The following MTMR6 variants were observed in gnomAD, a reference collection of about 807,000 sequenced individuals.
The protein encoded by MTMR6 is myotubularin related protein 6.
A neutral mutation model predicts 80.1 loss-of-function variants in MTMR6; 47 were observed. The observed-to-expected ratio is 0.59, with a 90% CI of 0.46 to 0.75. The LOEUF (loss-of-function observed/expected upper bound fraction) is 0.75, where lower values mean the gene tolerates loss of function less well. MTMR6 is among the 30% of genes least tolerant of loss of function. The pLI, the probability that MTMR6 is intolerant of heterozygous loss-of-function variation, is 0.00. For synonymous variants in MTMR6, 254 were observed against 253.0 expected (o/e 1.00, Z -0.04); for missense variants, 629 against 730.9 (o/e 0.86, Z 1.61).
At chr13:25,269,745 C>T (rs1957529742) in intron 2 of MTMR6, among the ~76,000 whole-genome samples, 1 of 151,708 alleles carries the variant, frequency 6.6e-6, no homozygotes, top group African/African-American at 2.4e-5. Flanking sequence ...TTTAAATAAT[C>T]AAGAAAAGCT....
intron 1 of MTMR6, among the ~76,000 whole-genome samples, chr13:25,282,785 T>C (rs765714645): frequency 3.3e-5 from 5 of 151,726 alleles, no homozygotes; most frequent in Non-Finnish European, 5.9e-5. Context: ...TTTTGTATTT[T>C]TAGTAAGACA....
chr13:25,254,022 G>T, intron 10 of MTMR6, 58 bp from the exon 11 acceptor site: 1 of 1,531,282 alleles, frequency 6.5e-7, no homozygotes, highest in Admixed American at 1.8e-5. Flanking sequence ...CATTGTTCAG[G>T]TATTGTTAAT....
intron 9 of MTMR6, among the ~76,000 whole-genome samples, chr13:25,255,773 T>C (rs1593143374): frequency 6.6e-6 from 1 of 152,150 alleles, no homozygotes. Context: ...CCACCCGCCT[T>C]GGCCTCCCAA....
Position 25,287,466 on chromosome 13 carries a change from G to A in MTMR6, c.-219C>T. ...ACCCCGCGGCCTCCCGGGGGACTCG[G>A]GGCAGGCAGACAGAGCGTGTGTGGA... On this transcript the variant is annotated 5_prime_UTR_variant, in exon 1 of 14. Transcript: ENST00000381801. The A allele has an allele frequency of 5.0e-6, 3 of 605,566 alleles. No homozygotes were observed. In the South Asian group the frequency reaches 5.6e-5, roughly 11 times the overall value. The allele number at this position is 605,566 out of a possible 1,614,324, so 37.5% of individuals were successfully genotyped here.
intron 6 of MTMR6, among the ~76,000 whole-genome samples, chr13:25,259,856 G>A (rs1957293527): frequency 6.6e-6 from 1 of 151,842 alleles, no homozygotes; most frequent in African/African-American, 2.4e-5. Flanking sequence ...AGATTATCAA[G>A]TTATCAATTT....
chr13:25,265,758 G>T, intron 5 of MTMR6, 61 bp downstream of exon 5: 9 of 1,475,234 alleles, frequency 6.1e-6, no homozygotes, highest in Non-Finnish European at 8.3e-6. Flanking sequence ...TGTTATTTTA[G>T]ATACTTAAAC....
At chr13:25,257,119 C>T (rs1957226502) in intron 9 of MTMR6, 77 bp downstream of exon 9, 1 of 1,436,874 alleles carries the variant, frequency 7.0e-7, no homozygotes, top group Admixed American at 2.2e-5. Context: ...CTGTCTCCAA[C>T]ATTGCCAAAT....
intron 1 of MTMR6, among the ~76,000 whole-genome samples, chr13:25,285,182 C>G (rs1316596977): frequency 6.6e-6 from 1 of 152,028 alleles, no homozygotes; most frequent in Non-Finnish European, 1.5e-5. Context: ...CCAGTGACAA[C>G]TTTCAAAGAG....
Position 25,273,632 on chromosome 13 carries a change from T to C in MTMR6, c.141+439A>G, listed in dbSNP as rs1412964908. Among the ~76,000 whole-genome samples the C allele has an allele frequency of 4.0e-5, 6 of 151,470 alleles. No homozygotes were observed. In the East Asian group the frequency reaches 1.2e-3, roughly 30 times the overall value. On this transcript the variant is annotated intron_variant, in intron 2 of 13. Coordinates refer to ENST00000381801, the MANE Select transcript of MTMR6 (RefSeq NM_004685.5). The stretch of plus-strand genomic sequence containing the variant: ...CCTCCGCCTCTCAAGTTCAAGCAAT[T>C]CTCCTGCCTCACCCTCCCAAGTAGC...
chr13:25,266,057 T>C, intron 4 of MTMR6, 72 bp downstream of exon 4: 1 of 1,593,076 alleles, frequency 6.3e-7, no homozygotes, highest in Non-Finnish European at 8.6e-7. Flanking sequence ...CACAGACAAC[T>C]TGCTACGCTG....
intron 11 of MTMR6, among the ~76,000 whole-genome samples, chr13:25,253,563 C>T (rs1253151666): frequency 6.6e-6 from 1 of 152,146 alleles, no homozygotes; most frequent in Non-Finnish European, 1.5e-5. Flanking sequence ...CACTTCAAAA[C>T]ACATTTTATA....
At chr13:25,276,276 T>C (rs1022061723) in intron 1 of MTMR6, among the ~76,000 whole-genome samples, 1 of 152,178 alleles carries the variant, frequency 6.6e-6, no homozygotes, top group East Asian at 1.9e-4. Flanking sequence ...TTGATGAATA[T>C]ATATGGAAAT....
chr13:25,273,685 C>T (rs1230756704), intron 2 of MTMR6, among the ~76,000 whole-genome samples: 1 of 151,992 alleles, frequency 6.6e-6, no homozygotes, highest in African/African-American at 2.4e-5. Flanking sequence ...ATCGCCATGC[C>T]CAGCTAATTT....
chr13:25,285,709 T>C (rs935781263), intron 1 of MTMR6, among the ~76,000 whole-genome samples: 1 of 152,104 alleles, frequency 6.6e-6, no homozygotes, highest in Non-Finnish European at 1.5e-5. Flanking sequence ...AATTTTTGTA[T>C]TTTTAGTAGA....
rs1173946945 is a variant in MTMR6 at position 25,267,852 on chromosome 13, A to G, written c.231T>C (p.Thr77=). ...TTTCTCTGGGAACAATGAAATGCAC[A>G]GTTCTGAAGTTCTTGCACTGTATCA... ...PLVIQCKNFR[T]VHFIVPRERD... The change falls in exon 3 of 14, where the codon ACT becomes ACC. Residue 77 remains threonine (T), a synonymous_variant. Coordinates refer to ENST00000381801, the MANE Select transcript of MTMR6 (RefSeq NM_004685.5). 2 of 1,613,794 alleles carry G rather than the reference A, an allele frequency of 1.2e-6. No individual in the cohort carries two copies. Among genetic ancestry groups the G allele is most frequent in the Non-Finnish European group, 1.7e-6 (2 of 1,179,844 alleles).
intron 10 of MTMR6, among the ~76,000 whole-genome samples, 180 bp downstream of exon 10, chr13:25,254,205 G>A (rs532309641): frequency 2.1e-4 from 32 of 152,208 alleles, no homozygotes; most frequent in African/African-American, 7.7e-4. Context: ...ATTAACAAGC[G>A]TACTAGAATT....
intron 5 of MTMR6, among the ~76,000 whole-genome samples, chr13:25,264,642 C>T (rs1442118753): frequency 1.3e-5 from 2 of 150,412 alleles, no homozygotes; most frequent in African/African-American, 4.9e-5. Context: ...GTAGTCCCAG[C>T]TACTCAGGAG....
At chr13:25,280,588 T>G (rs1957822379) in intron 1 of MTMR6, among the ~76,000 whole-genome samples, 1 of 152,190 alleles carries the variant, frequency 6.6e-6, no homozygotes, top group African/African-American at 2.4e-5. Context: ...AGCAAGGAAC[T>G]AAAAGTATTT....
intron 8 of MTMR6, 77 bp from the exon 9 acceptor site, chr13:25,257,398 G>A (rs1033767209): frequency 6.5e-7 from 1 of 1,527,048 alleles, no homozygotes; most frequent in African/African-American, 1.4e-5. Context: ...CATACTAGCA[G>A]GTATTGTGTT....
Sources: gnomAD v4.1 joint callset for allele counts (sites outside exome capture counted in the v4.1 genomes callset) on GRCh38, gnomAD v4.1.1 for gene constraint, MANE v1.5 for transcripts, NCBI Gene and HGNC (gene_info 2026-07-23, HGNC 2026-07-21) for gene names.